Variants in NALF1 observed in about 807,000 individuals in gnomAD.
NALF1 encodes the protein NALCN channel auxiliary factor 1, also known as family with sequence similarity 155 member A.
Under a neutral mutation model 48.4 loss-of-function variants are expected in NALF1, and 3 were observed. That is an observed-to-expected ratio of 0.06 (90% CI 0.03 to 0.16). The LOEUF (loss-of-function observed/expected upper bound fraction) is 0.16. Among genes scored for constraint, NALF1 ranks in the 10% least tolerant of loss-of-function variants. The pLI, the probability that NALF1 is intolerant of heterozygous loss-of-function variation, is 1.00. For missense variants in NALF1, 526 were observed against 571.5 expected (o/e 0.92, Z 0.81); for synonymous variants, 262 against 245.7 (o/e 1.07, Z -0.62).
intron 1 of NALF1, among the ~76,000 whole-genome samples, chr13:107,302,745 T>C (rs1337553193): frequency 1.3e-5 from 2 of 152,246 alleles, no homozygotes; most frequent in East Asian, 3.8e-4. Flanking sequence ...CCCAGACTAA[T>C]GTGCCTGCCA....
At chr13:107,250,996 A>G (rs1022181212) in intron 1 of NALF1, among the ~76,000 whole-genome samples, 3 of 152,170 alleles carry the variant, frequency 2.0e-5, no homozygotes, top group African/African-American at 7.2e-5. Flanking sequence ...TACAGTCTGC[A>G]GAACCGTGAG....
intron 1 of NALF1, among the ~76,000 whole-genome samples, chr13:107,604,684 T>C (rs991726067): frequency 3.9e-5 from 6 of 152,158 alleles, no homozygotes; most frequent in African/African-American, 1.4e-4. Flanking sequence ...AATGTCTTTA[T>C]TTTAGAAATT....
intron 1 of NALF1, among the ~76,000 whole-genome samples, chr13:107,489,453 G>C (rs1594090587): frequency 1.3e-5 from 2 of 152,052 alleles, no homozygotes; most frequent in Non-Finnish European, 1.5e-5. Context: ...GAACAGAACA[G>C]AGAACCCAGA....
intron 1 of NALF1, among the ~76,000 whole-genome samples, chr13:107,433,383 T>C (rs993238300): frequency 1.3e-5 from 2 of 152,196 alleles, no homozygotes; most frequent in Non-Finnish European, 2.9e-5. Flanking sequence ...CTGCATCTTC[T>C]TAACTAGTCA....
At chr13:107,620,623 C>A (rs956519009) in intron 1 of NALF1, among the ~76,000 whole-genome samples, 28 of 152,300 alleles carry the variant, frequency 1.8e-4, no homozygotes, top group African/African-American at 6.3e-4. Context: ...GTTCTCTATT[C>A]CACTACTCTT....
At chr13:107,565,543 T>C (rs1877787125) in intron 1 of NALF1, among the ~76,000 whole-genome samples, 1 of 152,190 alleles carries the variant, frequency 6.6e-6, no homozygotes, top group Non-Finnish European at 1.5e-5. Context: ...CGAAGATATT[T>C]TGAGAAGAAT....
rs557995334 is a variant in NALF1 at position 107,168,431 on chromosome 13, C to T, written c.*2066G>A. 3.3e-5 allele frequency: 5 copies of T among 152,310 alleles called. No individual in the cohort carries two copies. The highest frequency in any genetic ancestry group is 1.2e-4 in the African/African-American group (5 of 41,506). The allele number at this position is 152,310 out of a possible 1,614,324, so 9.4% of individuals were successfully genotyped here. A position where few individuals can be genotyped will look rare whatever the true frequency, so the allele number is the denominator to read the frequency against. On this transcript the variant is annotated 3_prime_UTR_variant, in exon 3 of 3. Transcript: ENST00000375915. ...CAGAAAAGCACCATGTTTCCATACACTAAAATATGATGCCTATGTGTATGT... is the reference window on the plus strand; with the variant it reads ...CAGAAAAGCACCATGTTTCCATACATTAAAATATGATGCCTATGTGTATGT...
intron 1 of NALF1, among the ~76,000 whole-genome samples, chr13:107,614,590 C>T (rs565860443): frequency 6.6e-6 from 1 of 152,088 alleles, no homozygotes; most frequent in Non-Finnish European, 1.5e-5. Flanking sequence ...AAATAGAAAA[C>T]TGCTGTTTAA....
chr13:107,238,408 A>C (rs1008508246), intron 1 of NALF1, among the ~76,000 whole-genome samples: 1 of 150,768 alleles, frequency 6.6e-6, no homozygotes, highest in Admixed American at 6.7e-5. Flanking sequence ...ATGGAGTATT[A>C]GTCAGGCAAG....
At chr13:107,762,208 G>A (rs1403634636) in intron 1 of NALF1, among the ~76,000 whole-genome samples, 1 of 150,162 alleles carries the variant, frequency 6.7e-6, no homozygotes, top group Non-Finnish European at 1.5e-5. Flanking sequence ...GTAGCTATTG[G>A]TTTTGGTTTC....
At chr13:107,444,517 CA>C (rs1160374084) in intron 1 of NALF1, among the ~76,000 whole-genome samples, 2 of 152,016 alleles carry the variant, frequency 1.3e-5, no homozygotes, top group African/African-American at 4.8e-5. Context: ...TGGAATAATG[CA>C]AAAAATCTGT....
chr13:107,701,581 G>C (rs1274114051), intron 1 of NALF1, among the ~76,000 whole-genome samples: 1 of 152,114 alleles, frequency 6.6e-6, no homozygotes, highest in African/African-American at 2.4e-5. Context: ...TGGGGTCACA[G>C]AAGAGGAAAT....
At chr13:107,540,049 T>TACACACACACACACAC (rs143201791) in intron 1 of NALF1, among the ~76,000 whole-genome samples, 41,440 of 149,152 alleles carry the variant, frequency 0.28, 5,891 homozygotes, top group East Asian at 0.42. Flanking sequence ...GCTTCTGATG[T>TACACACACACACACAC]ACACACACAC....
chr13:107,411,361 G>C (rs1441496574), intron 1 of NALF1, among the ~76,000 whole-genome samples: 1 of 151,048 alleles, frequency 6.6e-6, no homozygotes, highest in African/African-American at 2.4e-5. Context: ...GCCCAGGCTG[G>C]AGTGCAAATG....
chr13:107,195,199 G>A (rs565295642), intron 2 of NALF1, among the ~76,000 whole-genome samples: 20 of 152,246 alleles, frequency 1.3e-4, no homozygotes, highest in Admixed American at 5.9e-4. Context: ...AGTGACGGGT[G>A]CAGTAAAATC....
chr13:107,710,745 TC>T (rs1240637609), intron 1 of NALF1, among the ~76,000 whole-genome samples: 2 of 147,478 alleles, frequency 1.4e-5, no homozygotes, highest in African/African-American at 5.0e-5. Flanking sequence ...TATATACATA[TC>T]ATATATATAC....
intron 2 of NALF1, among the ~76,000 whole-genome samples, chr13:107,210,181 C>A (rs1879732097): frequency 6.6e-6 from 1 of 152,058 alleles, no homozygotes; most frequent in Non-Finnish European, 1.5e-5. Flanking sequence ...AGAAAATAGG[C>A]AAGAGAACAT....
At chr13:107,343,965 GA>G (rs1882729137) in intron 1 of NALF1, among the ~76,000 whole-genome samples, 2 of 151,246 alleles carry the variant, frequency 1.3e-5, no homozygotes, top group Non-Finnish European at 2.9e-5. Flanking sequence ...TCTAGACTAA[GA>G]AAACAAGGGA....
At chr13:107,245,401 C>T (rs760963938) in intron 1 of NALF1, among the ~76,000 whole-genome samples, 13 of 152,008 alleles carry the variant, frequency 8.6e-5, no homozygotes, top group Non-Finnish European at 1.6e-4. Flanking sequence ...ATGCCTGTTC[C>T]CTGGATCATA....
Sources: gnomAD v4.1 joint callset for allele counts (sites outside exome capture counted in the v4.1 genomes callset) on GRCh38, gnomAD v4.1.1 for gene constraint, MANE v1.5 for transcripts, NCBI Gene and HGNC (gene_info 2026-07-23, HGNC 2026-07-21) for gene names.